The following POGZ variants were observed in gnomAD, a reference collection of about 807,000 sequenced individuals.
POGZ encodes the protein pogo transposable element derived with ZNF domain, also known as pogo transposable element with ZNF domain.
A neutral mutation model predicts 134.6 loss-of-function variants in POGZ; 17 were observed. That is an observed-to-expected ratio of 0.13 (90% CI 0.09 to 0.19). POGZ has a LOEUF of 0.19. Ranked by LOEUF, POGZ falls within the 10% of genes least tolerant of loss-of-function variation. The pLI is 1.00. For missense variants in POGZ, 1,306 were observed against 1,769.7 expected, an observed-to-expected ratio of 0.74 and a Z score of 4.70; for synonymous variants, 693 against 657.1, an observed-to-expected ratio of 1.05 and a Z score of -0.84.
chr1:151,447,956 T>C (rs1413885476), intron 1 of POGZ, among the ~76,000 whole-genome samples: 1 of 152,096 alleles, frequency 6.6e-6, no homozygotes, highest in Non-Finnish European at 1.5e-5. Flanking sequence ...TCTCATATAT[T>C]TCCTGCCCCA....
At chr1:151,440,245 G>T (rs1176831043) in intron 3 of POGZ, among the ~76,000 whole-genome samples, 2 of 149,964 alleles carry the variant, frequency 1.3e-5, no homozygotes, top group Non-Finnish European at 3.0e-5. Flanking sequence ...TAGTACTAAA[G>T]CTGTTTTAGT....
intron 3 of POGZ, among the ~76,000 whole-genome samples, chr1:151,437,599 G>A (rs946137267): frequency 9.2e-5 from 14 of 151,532 alleles, no homozygotes; most frequent in African/African-American, 3.2e-4. Context: ...TAAAAATACA[G>A]AAATTAGCCG....
intron 10 of POGZ, among the ~76,000 whole-genome samples, chr1:151,421,006 T>TATATATATAC (rs112815385): frequency 5.3e-5 from 8 of 149,598 alleles, no homozygotes; most frequent in African/African-American, 2.0e-4. Flanking sequence ...TATATATATA[T>TATATATATAC]ACCTATGATA....
Position 151,404,786 on chromosome 1 carries a change from C to G in POGZ, c.*16G>C. The G allele has an allele frequency of 6.3e-7, 1 of 1,582,916 alleles. No homozygotes were observed. The highest frequency in any genetic ancestry group is 8.6e-7 in the Non-Finnish European group (1 of 1,163,192). On this transcript the variant is annotated 3_prime_UTR_variant, in exon 19 of 19. Coordinates refer to ENST00000271715, the MANE Select transcript of POGZ (RefSeq NM_015100.4). ...TGTTCCCACCCTCACTCCACACCCC[C>G]TCATGACCCCAACACTCAAATCTCC...
intron 5 of POGZ, among the ~76,000 whole-genome samples, chr1:151,428,933 T>C (rs950891111): frequency 6.6e-6 from 1 of 152,088 alleles, no homozygotes; most frequent in Non-Finnish European, 1.5e-5. Flanking sequence ...CAGGGTAAGC[T>C]GGTCAGACTT....
At chr1:151,431,767 TCC>T in intron 3 of POGZ, among the ~76,000 whole-genome samples, 1 of 152,316 alleles carries the variant, frequency 6.6e-6, no homozygotes, top group Non-Finnish European at 1.5e-5. Context: ...TATTTTTAAG[TCC>T]CCTATTTCAT....
intron 12 of POGZ, among the ~76,000 whole-genome samples, chr1:151,409,861 A>T (rs1654357907): frequency 6.6e-6 from 1 of 152,242 alleles, no homozygotes; most frequent in South Asian, 2.1e-4. Flanking sequence ...CAGTCTGCCT[A>T]GTATTGAAGT....
rs756659230 is a variant in POGZ, at chr1:151,406,445, G to T, written c.2590C>A (p.Arg864=). The stretch of plus-strand genomic sequence containing the variant: ...TTCTTCACGTTCCGGTCATGCACTC[G>T]GTCACGAGTCTGGCCATGCCTAAAG... ...AHSRHGQTRD[R]VHDRNVKNMY... Residue 864 remains arginine (R), a synonymous_variant, in exon 19 of 19, where the codon CGA becomes AGA. Transcript: ENST00000271715. 6.5e-7 allele frequency: 1 copy of T among 1,550,026 alleles called. No individual in the cohort carries two copies. Among genetic ancestry groups the T allele is most frequent in the South Asian group, 1.3e-5 (1 of 79,734 alleles).
At position 151,403,240 on chromosome 1, in the gene POGZ, G is replaced by A. The variant is rs1271358269; in HGVS notation, c.*1562C>T. The A allele has an allele frequency of 1.0e-6, 1 of 985,654 alleles. No individual in the cohort carries two copies. The highest frequency in any genetic ancestry group is 1.2e-6 in the Non-Finnish European group (1 of 829,928). The allele number at this position is 985,654 out of a possible 1,614,324, so 61.1% of individuals were successfully genotyped here. A position where few individuals can be genotyped will look rare whatever the true frequency, so the allele number is the denominator to read the frequency against. On this transcript the variant is annotated 3_prime_UTR_variant, in exon 19 of 19. Transcript: ENST00000271715. Reference sequence around the variant, plus strand: ...AACAAAAAAGCAGGGTGGGGTGGGAGAAATGGGTGGTAACAAATGTCACAC... The same window carrying A: ...AACAAAAAAGCAGGGTGGGGTGGGAAAAATGGGTGGTAACAAATGTCACAC...
rs144945886 is a variant in POGZ, at chr1:151,411,763, T to C, written c.1788A>G (p.Gln596=). ...GEMPYVCQVC[Q]YRSSLYSEVD... Reference sequence around the variant, plus strand: ...CCTCAGAGTAGAGTGAGGAGCGATATTGACACACCTGAGTCACATAGGAGG... The same window carrying C: ...CCTCAGAGTAGAGTGAGGAGCGATACTGACACACCTGAGTCACATAGGAGG... Residue 596 remains glutamine, a synonymous_variant, in exon 12 of 19, where the codon CAA becomes CAG. Coordinates refer to ENST00000271715, the MANE Select transcript of POGZ (RefSeq NM_015100.4). 3.5e-4 allele frequency: 559 copies of C among 1,612,518 alleles called. 1 individual carries two copies. The African/African-American group carries it at 6.1e-3, about 18-fold the overall frequency.
chr1:151,431,729 T>G (rs992724779), intron 3 of POGZ, among the ~76,000 whole-genome samples: 10 of 152,234 alleles, frequency 6.6e-5, no homozygotes, highest in African/African-American at 2.4e-4. Context: ...TATCTTAAAT[T>G]CTTTTCATTT....
rs766225178 is a variant in POGZ at position 151,424,011 on chromosome 1, G to A, written c.1461C>T (p.Phe487=). Reference sequence around the variant, plus strand: ...ATCGGAAAGATGTGGCGACCTTAGGGAAATTTGTGAGCTGGGCTACTTTGC... The same window carrying A: ...ATCGGAAAGATGTGGCGACCTTAGGAAAATTTGTGAGCTGGGCTACTTTGC... The part of the protein sequence containing the change: ...DGGKVAQLTN[F]PKVATSFRCP... The change falls in exon 9 of 19, where the codon TTC becomes TTT. Residue 487 remains phenylalanine (F), a synonymous_variant. Transcript: ENST00000271715. 1.2e-6 allele frequency: 2 copies of A among 1,614,174 alleles called. No individual in the cohort carries two copies. Among genetic ancestry groups the A allele is most frequent in the South Asian group, 2.2e-5 (2 of 91,078 alleles).
intron 1 of POGZ, among the ~76,000 whole-genome samples, chr1:151,443,301 C>T (rs1204086295): frequency 6.6e-6 from 1 of 152,208 alleles, no homozygotes; most frequent in South Asian, 2.1e-4. Flanking sequence ...AGTCCTACTA[C>T]TACCTTGTAC....
chr1:151,412,529 T>TTTCTG lies in POGZ; in HGVS notation c.1679-134_1679-133insCAGAA, dbSNP rs1654848188. Reference sequence around the variant, plus strand: ...AGTAAATCATAGGTCCCTTCTGTTCTTTCTTTAAATGGCTCCACCTTAACA... The same window carrying TTTCTG: ...AGTAAATCATAGGTCCCTTCTGTTCTTTCTGTTCTTTAAATGGCTCCACCTTAACA... On this transcript the variant is annotated intron_variant, in intron 10 of 18. Coordinates refer to ENST00000271715, the MANE Select transcript of POGZ (RefSeq NM_015100.4). The TTTCTG allele has an allele frequency of 2.7e-5, 16 of 595,054 alleles. No homozygotes were observed. The South Asian group carries it at 3.1e-4, about 11-fold the overall frequency. 36.9% of individuals were successfully genotyped at this position (595,054 alleles called of 1,614,324 possible). A position where few individuals can be genotyped will look rare whatever the true frequency, so the allele number is the denominator to read the frequency against.
intron 1 of POGZ, among the ~76,000 whole-genome samples, chr1:151,446,554 G>C (rs912376159): frequency 6.6e-6 from 1 of 151,872 alleles, no homozygotes; most frequent in African/African-American, 2.4e-5. Flanking sequence ...TTGAGAGTTC[G>C]AGACTAGCCT....
At position 151,405,243 on chromosome 1, in the gene POGZ, T is replaced by C; in HGVS notation, c.3792A>G (p.Leu1264=). The part of the protein sequence containing the change: ...PAGCSSKIQP[L]DVCIKRTVKN... ...TGACAGTTCTTTTGATGCATACATCTAATGGCTGAATTTTGGAGCTACAGC... is the reference window on the plus strand; with the variant it reads ...TGACAGTTCTTTTGATGCATACATCCAATGGCTGAATTTTGGAGCTACAGC... Residue 1264 remains leucine, a synonymous_variant, in exon 19 of 19, where the codon TTA becomes TTG. Transcript: ENST00000271715. The surrounding 1 kb of genome is among the most constrained non-coding windows in gnomAD (Gnocchi z 4.9). The C allele has an allele frequency of 1.9e-6, 3 of 1,614,202 alleles. No homozygotes were observed. The highest frequency in any genetic ancestry group is 2.5e-6 in the Non-Finnish European group (3 of 1,180,006).
Position 151,406,309 on chromosome 1 carries a change from G to A in POGZ, c.2726C>T (p.Pro909Leu), listed in dbSNP as rs199797999. 1.2e-5 allele frequency: 19 copies of A among 1,610,390 alleles called. No individual in the cohort carries two copies. The Admixed American group carries it at 3.0e-4, about 26-fold the overall frequency. The change falls in exon 19 of 19, where the codon CCA (proline) becomes CTA (leucine). Residue 909 changes from proline (P) to leucine (L), a missense_variant. Around this residue, in one of 10 missense-constraint regions of POGZ, gnomAD observed 214 missense variants for 255.5 expected, o/e 0.84. Coordinates refer to ENST00000271715, the MANE Select transcript of POGZ (RefSeq NM_015100.4). Reference sequence around the variant, plus strand: ...TGGGGTTGCAGTTGAGGCTGGTGATGGGAGTGCTGGGGCTAAGGGAGTTAG... The same window carrying A: ...TGGGGTTGCAGTTGAGGCTGGTGATAGGAGTGCTGGGGCTAAGGGAGTTAG... ...ELLTPLAPAL[P>L]SPASTATPPP...
At chr1:151,433,944 T>TG (rs1266427701) in intron 3 of POGZ, among the ~76,000 whole-genome samples, 10 of 152,156 alleles carry the variant, frequency 6.6e-5, no homozygotes, top group Non-Finnish European at 1.5e-5. Context: ...TTTGAGAGGC[T>TG]GAAGCAGGTG....
intron 1 of POGZ, among the ~76,000 whole-genome samples, chr1:151,453,614 T>G (rs1034490506): frequency 3.9e-5 from 6 of 152,198 alleles, no homozygotes; most frequent in Non-Finnish European, 8.8e-5. Flanking sequence ...TTTCTCTATT[T>G]TGTAGTAATT....
Sources: allele counts gnomAD v4.1 joint callset (sites outside exome capture counted in the v4.1 genomes callset), GRCh38; gene constraint gnomAD v4.1.1; regional missense constraint gnomAD v4.1.1; non-coding constraint Gnocchi (gnomAD v3.1); transcripts MANE v1.5; gene names NCBI Gene and HGNC (gene_info 2026-07-23, HGNC 2026-07-21).